The following FCHSD2 variants were observed in gnomAD, a reference collection of about 807,000 sequenced individuals.
FCHSD2 encodes the protein F-BAR and double SH3 domains protein 2.
FCHSD2 carries 38 observed loss-of-function variants against 108.1 expected under a neutral mutation model. That is an observed-to-expected ratio of 0.35 (90% CI 0.27 to 0.46). FCHSD2 has a LOEUF of 0.46. Among genes scored for constraint, FCHSD2 ranks in the 20% least tolerant of loss-of-function variants. FCHSD2 has a pLI of 1.00. For synonymous variants in FCHSD2, 279 were observed against 314.7 expected (o/e 0.89, Z 1.20); for missense variants, 751 against 897.8 (o/e 0.84, Z 2.09).
At chr11:73,117,459 T>C (rs989138929) in intron 2 of FCHSD2, among the ~76,000 whole-genome samples, 1 of 152,222 alleles carries the variant, frequency 6.6e-6, no homozygotes, top group Non-Finnish European at 1.5e-5. Context: ...ACCCACTACC[T>C]TTCAATCTGT....
intron 8 of FCHSD2, among the ~76,000 whole-genome samples, chr11:72,957,767 C>T (rs934118173): frequency 6.6e-5 from 10 of 151,618 alleles, no homozygotes; most frequent in Non-Finnish European, 1.5e-4. Flanking sequence ...TCACGATTTG[C>T]TCTCAAATGG....
chr11:72,921,786 C>A, intron 9 of FCHSD2, 42 bp downstream of exon 9: 1 of 1,553,924 alleles, frequency 6.4e-7, no homozygotes, highest in East Asian at 2.2e-5. Context: ...ACTTTAGCTT[C>A]TAAGTTGGAT....
At chr11:72,946,752 A>G (rs1245787692) in intron 8 of FCHSD2, among the ~76,000 whole-genome samples, 1 of 152,182 alleles carries the variant, frequency 6.6e-6, no homozygotes, top group African/African-American at 2.4e-5. Flanking sequence ...CAGTAACTCT[A>G]CTTTTTACAA....
At chr11:73,138,334 A>G (rs1861169614) in intron 2 of FCHSD2, among the ~76,000 whole-genome samples, 1 of 152,198 alleles carries the variant, frequency 6.6e-6, no homozygotes. Flanking sequence ...CTTGACCATA[A>G]GCTCCTGCAC....
chr11:72,931,591 C>G (rs1227542574), intron 8 of FCHSD2, among the ~76,000 whole-genome samples: 2 of 151,400 alleles, frequency 1.3e-5, no homozygotes, highest in Non-Finnish European at 3.0e-5. Flanking sequence ...ATGGTGAAAC[C>G]CCATCTCTAC....
At chr11:72,968,534 T>G (rs1229152075) in intron 8 of FCHSD2, among the ~76,000 whole-genome samples, 1 of 152,238 alleles carries the variant, frequency 6.6e-6, no homozygotes, top group Non-Finnish European at 1.5e-5. Flanking sequence ...TGTATCTTAA[T>G]GGAGAGCCCT....
intron 10 of FCHSD2, among the ~76,000 whole-genome samples, chr11:72,901,158 A>T (rs1215593793): frequency 6.6e-6 from 1 of 152,134 alleles, no homozygotes; most frequent in Non-Finnish European, 1.5e-5. Context: ...TTGGGAGACT[A>T]AAGTGGGTAG....
At chr11:72,930,184 A>G (rs1403827914) in intron 8 of FCHSD2, among the ~76,000 whole-genome samples, 1 of 152,160 alleles carries the variant, frequency 6.6e-6, no homozygotes, top group Non-Finnish European at 1.5e-5. Context: ...CATGAATGTA[A>G]TTCTCTGCAA....
At chr11:72,951,284 T>C (rs1006242878) in intron 8 of FCHSD2, among the ~76,000 whole-genome samples, 1 of 152,214 alleles carries the variant, frequency 6.6e-6, no homozygotes, top group Admixed American at 6.5e-5. Context: ...CTAATATAGG[T>C]GGCATCTGTT....
intron 2 of FCHSD2, among the ~76,000 whole-genome samples, chr11:73,089,150 T>C (rs1469708394): frequency 1.3e-5 from 2 of 152,190 alleles, no homozygotes; most frequent in South Asian, 2.1e-4. Flanking sequence ...GTATCATATA[T>C]ATATCAAGAG....
At chr11:72,914,054 G>C (rs140817195) in intron 9 of FCHSD2, among the ~76,000 whole-genome samples, 5 of 151,924 alleles carry the variant, frequency 3.3e-5, no homozygotes, top group African/African-American at 1.2e-4. Flanking sequence ...TCTCACTGTC[G>C]CCCAGGCTAG....
chr11:72,944,093 C>G (rs1856472873), intron 8 of FCHSD2, among the ~76,000 whole-genome samples: 1 of 151,968 alleles, frequency 6.6e-6, no homozygotes, highest in East Asian at 1.9e-4. Flanking sequence ...AGAGACACAA[C>G]AAAAAAAGAG....
At chr11:72,961,309 G>C (rs770181350) in intron 8 of FCHSD2, among the ~76,000 whole-genome samples, 2 of 151,598 alleles carry the variant, frequency 1.3e-5, no homozygotes, top group Admixed American at 6.6e-5. Flanking sequence ...CTATAGCCTC[G>C]AACTCCTGGG....
chr11:73,117,886 T>C (rs915013731), intron 2 of FCHSD2, among the ~76,000 whole-genome samples: 6 of 152,260 alleles, frequency 3.9e-5, no homozygotes, highest in South Asian at 2.1e-4. Flanking sequence ...TATTTCAGCA[T>C]GCTTAGTGTT....
At chr11:72,867,553 T>C (rs919691442) in intron 13 of FCHSD2, among the ~76,000 whole-genome samples, 2 of 152,216 alleles carry the variant, frequency 1.3e-5, no homozygotes, top group Admixed American at 6.5e-5. Flanking sequence ...ACTAGATTGT[T>C]TTCTATTCTA....
chr11:72,855,802 C>T (rs997516056), intron 13 of FCHSD2, among the ~76,000 whole-genome samples: 9 of 152,110 alleles, frequency 5.9e-5, no homozygotes, highest in African/African-American at 2.2e-4. Flanking sequence ...TTTATATGAG[C>T]ATACGTATCT....
intron 13 of FCHSD2, among the ~76,000 whole-genome samples, chr11:72,858,208 C>T (rs1861475564): frequency 1.3e-5 from 2 of 152,142 alleles, no homozygotes; most frequent in Admixed American, 1.3e-4. Flanking sequence ...CTCCACTGGA[C>T]AGAGAAGTAA....
intron 12 of FCHSD2, among the ~76,000 whole-genome samples, chr11:72,868,765 G>A (rs1003502074): frequency 6.7e-6 from 1 of 150,020 alleles, no homozygotes; most frequent in Admixed American, 6.6e-5. Context: ...TACTTAAAAG[G>A]AAAAAAAATC....
intron 3 of FCHSD2, among the ~76,000 whole-genome samples, chr11:73,062,611 G>A (rs184358381): frequency 4.7e-4 from 71 of 152,200 alleles, no homozygotes; most frequent in African/African-American, 1.5e-3. Flanking sequence ...CGATGGAGCT[G>A]AAATACACAG....
Sources: allele counts gnomAD v4.1 joint callset (sites outside exome capture counted in the v4.1 genomes callset), GRCh38; gene constraint gnomAD v4.1.1; transcripts MANE v1.5; gene names NCBI Gene and HGNC (gene_info 2026-07-23, HGNC 2026-07-21).